The following CDCA7L variants were observed in gnomAD, a reference collection of about 807,000 sequenced individuals.
CDCA7L encodes the protein cell division cycle associated 7 like.
In CDCA7L, 44 loss-of-function variants were observed where a neutral mutation model predicts 57.4. That is an observed-to-expected ratio of 0.77 (90% CI 0.60 to 0.98). CDCA7L has a LOEUF of 0.98. Among genes scored for constraint, CDCA7L ranks in the 50% least tolerant of loss-of-function variants. CDCA7L has a pLI of 0.00. For missense variants in CDCA7L, 644 were observed against 580.6 expected (o/e 1.11, Z -1.12); for synonymous variants, 236 against 202.8 (o/e 1.16, Z -1.39).
chr7:21,913,026 G>A (rs755139640), intron 2 of CDCA7L, among the ~76,000 whole-genome samples: 2 of 151,886 alleles, frequency 1.3e-5, no homozygotes, highest in Admixed American at 6.6e-5. Context: ...TTCCTCTGAC[G>A]TCTCTTCCCC....
In CDCA7L at chr7:21,902,249, CTT is replaced by C; in HGVS notation, c.*71_*72del. On this transcript the variant is annotated 3_prime_UTR_variant, in exon 10 of 10. Transcript: ENST00000406877. Reference sequence around the variant, plus strand: ...AAAACACAACTGTAAAAAAATCTTTCTTAGGCACCAATGGTATGCATGTCTTG... The same window carrying C: ...AAAACACAACTGTAAAAAAATCTTTCAGGCACCAATGGTATGCATGTCTTG... 1 of 1,115,026 alleles carries C rather than the reference CTT, an allele frequency of 9.0e-7. No individual in the cohort carries two copies. The allele number at this position is 1,115,026 out of a possible 1,614,324, so 69.1% of individuals were successfully genotyped here.
rs769627906 is a variant in CDCA7L at position 21,904,251 on chromosome 7, C to A, written c.1056G>T (p.Thr352=). The A allele has an allele frequency of 1.2e-6, 2 of 1,604,482 alleles. No individual in the cohort carries two copies. Among genetic ancestry groups the A allele is most frequent in the South Asian group, 1.1e-5 (1 of 89,316 alleles). Residue 352 remains threonine, a synonymous_variant, in exon 8 of 10, where the codon ACG becomes ACT. Transcript: ENST00000406877. ...DKIYDKVLGN[T]CHQCRQKTID... is the part of the protein sequence containing the mutation. ...TGGTCTTTTGTCGACACTGATGGCA[C>A]GTGTTACCCTACAGGGGGAAGGCAG...
chr7:21,941,163 TA>T (rs1379348298), intron 1 of CDCA7L, among the ~76,000 whole-genome samples: 1 of 152,156 alleles, frequency 6.6e-6, no homozygotes, highest in Non-Finnish European at 1.5e-5. Context: ...ACACAAGCCG[TA>T]AGATATACAG....
chr7:21,916,669 T>C, intron 2 of CDCA7L, 85 bp downstream of exon 2: 1 of 1,261,516 alleles, frequency 7.9e-7, no homozygotes. Context: ...ATCACCAATC[T>C]CACACCATGT....
intron 1 of CDCA7L, among the ~76,000 whole-genome samples, chr7:21,926,051 C>T (rs1785815790): frequency 6.6e-6 from 1 of 151,982 alleles, no homozygotes; most frequent in Non-Finnish European, 1.5e-5. Flanking sequence ...GCCTGGGCAA[C>T]AAAGCAAGAC....
chr7:21,945,845 A>G lies in CDCA7L; in HGVS notation c.-41T>C. Reference sequence around the variant, plus strand: ...TCCAGTCTCCTCCCAGCACGCGGCCACGGGAGCCCGGACTCACCACGGCCC... The same window carrying G: ...TCCAGTCTCCTCCCAGCACGCGGCCGCGGGAGCCCGGACTCACCACGGCCC... On this transcript the variant is annotated 5_prime_UTR_variant, in exon 1 of 10. Coordinates refer to ENST00000406877, the MANE Select transcript of CDCA7L (RefSeq NM_018719.5). The G allele has an allele frequency of 6.3e-7, 1 of 1,588,634 alleles. No individual in the cohort carries two copies. The highest frequency in any genetic ancestry group is 8.5e-7 in the Non-Finnish European group (1 of 1,169,756).
intron 1 of CDCA7L, among the ~76,000 whole-genome samples, chr7:21,925,147 AATT>A (rs1785783823): frequency 6.6e-6 from 1 of 152,346 alleles, no homozygotes; most frequent in Non-Finnish European, 1.5e-5. Flanking sequence ...AAATATGACA[AATT>A]ATTAAAATTG....
In CDCA7L at chr7:21,902,177, ACAAT is replaced by A. The variant is rs1784917276; in HGVS notation, c.*141_*144del. On this transcript the variant is annotated 3_prime_UTR_variant, in exon 10 of 10. Coordinates refer to ENST00000406877, the MANE Select transcript of CDCA7L (RefSeq NM_018719.5). Reference sequence around the variant, plus strand: ...CTGAGAAATCTTTGTAAGCATATAAACAATCTTTAACAAAAAATAGTAATTTCTA... The same window carrying A: ...CTGAGAAATCTTTGTAAGCATATAAACTTTAACAAAAAATAGTAATTTCTA... 1.1e-5 allele frequency: 9 copies of A among 798,566 alleles called. No homozygotes were observed. In the African/African-American group the frequency reaches 1.4e-4, roughly 13 times the overall value. The allele number at this position is 798,566 out of a possible 1,614,324, so 49.5% of individuals were successfully genotyped here.
Position 21,902,252 on chromosome 7 carries a change from A to G in CDCA7L, c.*70T>C. On this transcript the variant is annotated 3_prime_UTR_variant, in exon 10 of 10. Transcript: ENST00000406877. ...ACACAACTGTAAAAAAATCTTTCTT[A>G]GGCACCAATGGTATGCATGTCTTGT... The G allele has an allele frequency of 2.9e-6, 4 of 1,365,364 alleles. No homozygotes were observed. In the South Asian group the frequency reaches 4.8e-5, roughly 16 times the overall value. The allele number at this position is 1,365,364 out of a possible 1,614,324, so 84.6% of individuals were successfully genotyped here.
Position 21,901,938 on chromosome 7 carries a change from C to G in CDCA7L, c.*384G>C, listed in dbSNP as rs555557106. ...GTCACTCGTGCTAAGGCACACTTGG[C>G]CTGGAGTGAGTTACTGTTTGGGAAG... On this transcript the variant is annotated 3_prime_UTR_variant, in exon 10 of 10. Transcript: ENST00000406877. The G allele has an allele frequency of 2.4e-5, 6 of 245,494 alleles. No homozygotes were observed. The East Asian group carries it at 5.2e-4, about 21-fold the overall frequency. 15.2% of individuals were successfully genotyped at this position (245,494 alleles called of 1,614,324 possible). A position where few individuals can be genotyped will look rare whatever the true frequency, so the allele number is the denominator to read the frequency against.
intron 1 of CDCA7L, among the ~76,000 whole-genome samples, chr7:21,932,912 G>C (rs1454110041): frequency 6.6e-6 from 1 of 151,424 alleles, no homozygotes; most frequent in African/African-American, 2.4e-5. Flanking sequence ...ATATGACAAA[G>C]GGCTAATATC....
intron 3 of CDCA7L, among the ~76,000 whole-genome samples, chr7:21,910,550 C>T (rs929266514): frequency 1.3e-5 from 2 of 152,186 alleles, no homozygotes; most frequent in East Asian, 1.9e-4. Context: ...TGTGAAGAGG[C>T]GTAAACTCTA....
At chr7:21,927,165 T>A (rs917959132) in intron 1 of CDCA7L, among the ~76,000 whole-genome samples, 1 of 152,136 alleles carries the variant, frequency 6.6e-6, no homozygotes, top group Non-Finnish European at 1.5e-5. Context: ...GCAAAATTAA[T>A]TGACAGAAAC....
chr7:21,922,774 C>G (rs973711695), intron 1 of CDCA7L, among the ~76,000 whole-genome samples: 1 of 152,056 alleles, frequency 6.6e-6, no homozygotes, highest in Non-Finnish European at 1.5e-5. Flanking sequence ...AAGTATCCAT[C>G]GATGGATAAA....
chr7:21,910,811 C>G (rs561868086), intron 3 of CDCA7L, among the ~76,000 whole-genome samples: 91 of 152,234 alleles, frequency 6.0e-4, no homozygotes, highest in South Asian at 5.8e-3. Flanking sequence ...CCTGGGTCAT[C>G]TTTAACACTA....
chr7:21,926,854 C>G (rs983760388), intron 1 of CDCA7L, among the ~76,000 whole-genome samples: 1 of 152,082 alleles, frequency 6.6e-6, no homozygotes, highest in East Asian at 1.9e-4. Flanking sequence ...GCCTGGGTGA[C>G]AGAGCAAGAC....
Position 21,901,419 on chromosome 7 carries a change from C to A in CDCA7L, c.*903G>T. On this transcript the variant is annotated 3_prime_UTR_variant, in exon 10 of 10. Coordinates refer to ENST00000406877, the MANE Select transcript of CDCA7L (RefSeq NM_018719.5). ...GAAAGTCAGAAAAAAATACTAGAAACTAACTCAGGGCTGAGCGTGGTGGCA... is the reference window on the plus strand; with the variant it reads ...GAAAGTCAGAAAAAAATACTAGAAAATAACTCAGGGCTGAGCGTGGTGGCA... The A allele has an allele frequency of 9.8e-7, 1 of 1,021,248 alleles. No homozygotes were observed. The highest frequency in any genetic ancestry group is 1.3e-6 in the Non-Finnish European group (1 of 762,654). 63.3% of individuals were successfully genotyped at this position (1,021,248 alleles called of 1,614,324 possible). A position where few individuals can be genotyped will look rare whatever the true frequency, so the allele number is the denominator to read the frequency against.
At chr7:21,916,412 G>A (rs899419274) in intron 2 of CDCA7L, among the ~76,000 whole-genome samples, 1 of 150,690 alleles carries the variant, frequency 6.6e-6, no homozygotes, top group Admixed American at 6.6e-5. Flanking sequence ...ATGCCTCGCC[G>A]CAGCCTCGCC....
At chr7:21,933,584 A>G (rs766128625) in intron 1 of CDCA7L, among the ~76,000 whole-genome samples, 1 of 152,212 alleles carries the variant, frequency 6.6e-6, no homozygotes, top group Non-Finnish European at 1.5e-5. Context: ...ATTCTTATTC[A>G]TAGTTGGCAG....
Sources: allele counts gnomAD v4.1 joint callset (sites outside exome capture counted in the v4.1 genomes callset), GRCh38; gene constraint gnomAD v4.1.1; transcripts MANE v1.5; gene names NCBI Gene and HGNC (gene_info 2026-07-23, HGNC 2026-07-21).